Variants in SPATC1 observed in about 807,000 individuals in gnomAD.
The protein encoded by SPATC1 is speriolin.
A neutral mutation model predicts 36.5 loss-of-function variants in SPATC1; 35 were observed. That is an observed-to-expected ratio of 0.96 (90% CI 0.73 to 1.27). The LOEUF is 1.27. SPATC1 is among the 50% of genes most tolerant of loss of function. The pLI, the probability that SPATC1 is intolerant of heterozygous loss-of-function variation, is 0.00. For missense variants in SPATC1, 779 were observed against 796.0 expected, an observed-to-expected ratio of 0.98 and a Z score of 0.26; for synonymous variants, 361 against 353.6, an observed-to-expected ratio of 1.02 and a Z score of -0.24.
chr8:144,012,336 G>T lies in SPATC1; in HGVS notation c.-180G>T, dbSNP rs942974725. On this transcript the variant is annotated 5_prime_UTR_variant, in exon 1 of 5. Coordinates refer to ENST00000377470, the MANE Select transcript of SPATC1 (RefSeq NM_198572.3). ...GGCCTGGTGGCATGGAGAGCTGAGG[G>T]TGTTAGAGCAGAGAGGGCAAGGAAG... 1.5e-5 allele frequency: 9 copies of T among 611,014 alleles called. No homozygotes were observed. Among genetic ancestry groups the T allele is most frequent in the African/African-American group, 5.6e-5 (3 of 54,044 alleles). 37.8% of individuals were successfully genotyped at this position (611,014 alleles called of 1,614,324 possible).
intron 4 of SPATC1, among the ~76,000 whole-genome samples, chr8:144,042,311 A>ATTTTTTTTTTT (rs1184651892): frequency 2.5e-4 from 6 of 23,884 alleles, no homozygotes; most frequent in Admixed American, 7.0e-4. Context: ...ATATATATAT[A>ATTTTTTTTTTT]TTTTTTTTTT....
chr8:144,025,154 A>G (rs1054598323), intron 1 of SPATC1, among the ~76,000 whole-genome samples: 11 of 150,506 alleles, frequency 7.3e-5, no homozygotes, highest in African/African-American at 2.7e-4. Flanking sequence ...TCCTCTCAGG[A>G]TCATTTCACC....
At chr8:144,017,914 G>A (rs1834426130) in intron 1 of SPATC1, among the ~76,000 whole-genome samples, 1 of 152,310 alleles carries the variant, frequency 6.6e-6, no homozygotes, top group Admixed American at 6.5e-5. Context: ...ACATCCACGT[G>A]GAGTGTCCAG....
intron 1 of SPATC1, among the ~76,000 whole-genome samples, chr8:144,039,197 G>C (rs182310085): frequency 6.6e-6 from 1 of 152,176 alleles, no homozygotes; most frequent in African/African-American, 2.4e-5. Flanking sequence ...CTGCATCCCC[G>C]GGGATCAGGG....
chr8:144,040,956 C>T lies in SPATC1; in HGVS notation c.1155C>T (p.Asn385=), dbSNP rs200273714. 1.5e-4 allele frequency: 237 copies of T among 1,609,844 alleles called. No individual in the cohort carries two copies. Among genetic ancestry groups the T allele is most frequent in the Non-Finnish European group, 1.8e-4 (215 of 1,178,696 alleles). Residue 385 remains asparagine, a synonymous_variant, in exon 3 of 5, where the codon AAC becomes AAT. Coordinates refer to ENST00000377470, the MANE Select transcript of SPATC1 (RefSeq NM_198572.3). ...CTGTCCCCCACTGTCCTCCACACAA[C>T]GCCCACTCCCCACCTCGTACCTCAT... ...NLPVPHCPPH[N]AHSPPRTSSS...
rs570254928 is a variant in SPATC1 at position 144,040,053 on chromosome 8, G to T, written c.356G>T (p.Gly119Val). The change falls in exon 2 of 5, where the codon GGC (glycine) becomes GTC (valine). Residue 119 changes from glycine (G) to valine (V), a missense_variant. Transcript: ENST00000377470. ...GGCTCACTCATGAGCCCCCTGACAGGCACCCTCAGCACGCTGCTGTCTGGC... is the reference window on the plus strand; with the variant it reads ...GGCTCACTCATGAGCCCCCTGACAGTCACCCTCAGCACGCTGCTGTCTGGC... Reference protein sequence around the residue: ...TPGSLMSPLTGTLSTLLSGPA... With the variant: ...TPGSLMSPLTVTLSTLLSGPA... 2.5e-6 allele frequency: 4 copies of T among 1,613,324 alleles called. No individual in the cohort carries two copies. Among genetic ancestry groups the T allele is most frequent in the Admixed American group, 1.7e-5 (1 of 60,012 alleles).
In SPATC1 at chr8:144,040,257, T is replaced by G. The variant is rs1554755561; in HGVS notation, c.560T>G (p.Val187Gly). Residue 187 changes from valine to glycine, a missense_variant, in exon 2 of 5, where the codon GTG becomes GGG. Physicochemically the swap from Val to Gly is moderately radical, Grantham distance 109 (BLOSUM62 -3). Coordinates refer to ENST00000377470, the MANE Select transcript of SPATC1 (RefSeq NM_198572.3). Reference protein sequence around the residue: ...MSQSSPLIAPVMGTVAVSLSS... With the variant: ...MSQSSPLIAPGMGTVAVSLSS... ...CAGAGCAGCCCCCTGATAGCCCCTG[T>G]GATGGGCACGGTGGCTGTCTCTCTG... 6.2e-7 allele frequency: 1 copy of G among 1,612,932 alleles called. No individual in the cohort carries two copies. Among genetic ancestry groups the G allele is most frequent in the East Asian group, 2.2e-5 (1 of 44,870 alleles).
intron 1 of SPATC1, among the ~76,000 whole-genome samples, chr8:144,037,991 A>G (rs1374427882): frequency 6.6e-6 from 1 of 150,904 alleles, no homozygotes; most frequent in Admixed American, 6.6e-5. Context: ...TAGCCGGGCG[A>G]GGTGGCGGGC....
chr8:144,043,479 A>G (rs1434418790), intron 4 of SPATC1, among the ~76,000 whole-genome samples: 2 of 151,924 alleles, frequency 1.3e-5, no homozygotes, highest in African/African-American at 4.8e-5. Context: ...ACGGGGTTTC[A>G]TCATGTTGGT....
At chr8:144,037,752 C>T (rs577915454) in intron 1 of SPATC1, among the ~76,000 whole-genome samples, 2 of 151,794 alleles carry the variant, frequency 1.3e-5, no homozygotes, top group South Asian at 4.2e-4. Flanking sequence ...CCACTATTGT[C>T]CTATGACCCT....
rs1247835746 is a variant in SPATC1, at chr8:144,040,735, G to A, written c.934G>A (p.Ala312Thr). 1 of 1,613,002 alleles carries A rather than the reference G, an allele frequency of 6.2e-7. No individual in the cohort carries two copies. Among genetic ancestry groups the A allele is most frequent in the Non-Finnish European group, 8.5e-7 (1 of 1,179,784 alleles). ...TTCGGACACACAGGCCCAGCCCAGT[G>A]CCGCCCAGGAACAAGTGGTCCCTGC... ...NTSDTQAQPS[A>T]AQEQVVPASV... Residue 312 changes from alanine to threonine, a missense_variant, in exon 3 of 5, where the codon GCC (alanine) becomes ACC (threonine). Coordinates refer to ENST00000377470, the MANE Select transcript of SPATC1 (RefSeq NM_198572.3).
In SPATC1 at chr8:144,040,271, G is replaced by A; in HGVS notation, c.574G>A (p.Ala192Thr). 1 of 1,612,762 alleles carries A rather than the reference G, an allele frequency of 6.2e-7. No homozygotes were observed. Residue 192 changes from alanine to threonine, a missense_variant, in exon 2 of 5, where the codon GCT (alanine) becomes ACT (threonine). Transcript: ENST00000377470. ...GATAGCCCCTGTGATGGGCACGGTG[G>A]CTGTCTCTCTGAGCAGCCCCCTCCT... ...PLIAPVMGTV[A>T]VSLSSPLLSS...
intron 1 of SPATC1, among the ~76,000 whole-genome samples, chr8:144,029,745 T>C (rs1169677321): frequency 2.0e-5 from 3 of 152,182 alleles, no homozygotes; most frequent in African/African-American, 7.2e-5. Context: ...CTGGAGAATG[T>C]TTCATGTTCC....
intron 4 of SPATC1, among the ~76,000 whole-genome samples, chr8:144,044,788 A>G (rs1211648781): frequency 6.6e-6 from 1 of 151,950 alleles, no homozygotes; most frequent in East Asian, 2.0e-4. Flanking sequence ...CTCTACTAAA[A>G]ATACAAAAAC....
intron 1 of SPATC1, among the ~76,000 whole-genome samples, chr8:144,038,495 A>T (rs1384838475): frequency 2.0e-5 from 3 of 149,924 alleles, no homozygotes; most frequent in Non-Finnish European, 4.4e-5. Flanking sequence ...ATGGGGTCTC[A>T]CTCTGTCACC....
At chr8:144,013,281 C>T (rs1834316214) in intron 1 of SPATC1, among the ~76,000 whole-genome samples, 1 of 152,070 alleles carries the variant, frequency 6.6e-6, no homozygotes, top group Non-Finnish European at 1.5e-5. Flanking sequence ...TGAGGCTGCT[C>T]CCAGGCTCTG....
Position 144,016,953 on chromosome 8 carries a change from G to A in SPATC1, c.211+4227G>A, listed in dbSNP as rs1834406422. On this transcript the variant is annotated intron_variant, in intron 1 of 4. Coordinates refer to ENST00000377470, the MANE Select transcript of SPATC1 (RefSeq NM_198572.3). This position sits in a 1 kb window ranked among gnomAD's most constrained non-coding sequence, Gnocchi z 4.5. ...CACACCCGCCTGACACTGGTGGTTT[G>A]TAACAGAGAATAATCATGTTTGTGC... 6.6e-6 allele frequency among the ~76,000 whole-genome samples: 1 copy of A among 152,116 alleles called. No individual in the cohort carries two copies. Among genetic ancestry groups the A allele is most frequent in the South Asian group, 2.1e-4 (1 of 4,822 alleles).
chr8:144,026,987 CTTTTTTT>C (rs1169014232), intron 1 of SPATC1, among the ~76,000 whole-genome samples: 4 of 114,304 alleles, frequency 3.5e-5, no homozygotes, highest in Non-Finnish European at 7.0e-5. Flanking sequence ...TTTTTTTTTT[CTTTTTTT>C]TTTTTTTTTT....
In SPATC1 at chr8:144,045,716, G is replaced by A. The variant is rs894660290; in HGVS notation, c.1447-911G>A. 1.3e-5 allele frequency among the ~76,000 whole-genome samples: 2 copies of A among 152,206 alleles called. No individual in the cohort carries two copies. Among genetic ancestry groups the A allele is most frequent in the African/African-American group, 4.8e-5 (2 of 41,446 alleles). On this transcript the variant is annotated intron_variant, in intron 4 of 4. Transcript: ENST00000377470. The surrounding 1 kb of genome is among the most constrained non-coding windows in gnomAD (Gnocchi z 5.2). ...GGGCAGGGCCAAGCCTGGAGGCAGG[G>A]GCAGCTGCACCTGTGACAGGCTGCA...
Sources: allele counts gnomAD v4.1 joint callset (sites outside exome capture counted in the v4.1 genomes callset), GRCh38; gene constraint gnomAD v4.1.1; non-coding constraint Gnocchi (gnomAD v3.1); transcripts MANE v1.5; gene names NCBI Gene and HGNC (gene_info 2026-07-23, HGNC 2026-07-21).